RBPMS: variants seen among roughly 807,000 people sequenced by gnomAD.
RBPMS encodes the protein RNA-binding protein with multiple splicing.
Under a neutral mutation model 26.8 loss-of-function variants are expected in RBPMS, and 7 were observed. The observed-to-expected ratio is 0.26, with a 90% CI of 0.15 to 0.49. RBPMS has a LOEUF of 0.49. RBPMS is among the 20% of genes least tolerant of loss of function. The pLI, the probability that RBPMS is intolerant of heterozygous loss-of-function variation, is 0.98. For synonymous variants in RBPMS, 96 were observed against 93.3 expected (o/e 1.03, Z -0.17); for missense variants, 186 against 250.0 (o/e 0.74, Z 1.73).
intron 1 of RBPMS, among the ~76,000 whole-genome samples, chr8:30,465,508 G>C (rs763862004): frequency 6.6e-6 from 1 of 152,134 alleles, no homozygotes; most frequent in Non-Finnish European, 1.5e-5. Flanking sequence ...CCTATCAGGC[G>C]GGGCACAGTG....
At chr8:30,545,153 T>A (rs1222839040) in intron 6 of RBPMS, 6 of 1,306,708 alleles carry the variant, frequency 4.6e-6, no homozygotes, top group Non-Finnish European at 6.0e-6. Flanking sequence ...GTTCCTTCTC[T>A]CCATTTTCAG....
intron 1 of RBPMS, among the ~76,000 whole-genome samples, chr8:30,448,354 T>C (rs1208791135): frequency 6.6e-6 from 1 of 152,218 alleles, no homozygotes; most frequent in Non-Finnish European, 1.5e-5. Flanking sequence ...ACCAAGATGT[T>C]TGCAGGGCAG....
intron 5 of RBPMS, among the ~76,000 whole-genome samples, chr8:30,526,137 G>A (rs541765295): frequency 2.6e-4 from 39 of 152,200 alleles, no homozygotes; most frequent in African/African-American, 8.2e-4. Context: ...CATGATCTGC[G>A]CCCCAACTCC....
chr8:30,476,915 G>A (rs572493099), intron 2 of RBPMS, among the ~76,000 whole-genome samples: 68 of 152,220 alleles, frequency 4.5e-4, no homozygotes, highest in African/African-American at 1.5e-3. Context: ...AACCTGAAGG[G>A]ATTATTTTTG....
chr8:30,412,613 A>G (rs530682250), intron 1 of RBPMS, among the ~76,000 whole-genome samples: 1 of 152,214 alleles, frequency 6.6e-6, no homozygotes, highest in East Asian at 1.9e-4. Flanking sequence ...AAGTTCTTAC[A>G]TTTTCTTTTC....
Position 30,549,795 on chromosome 8 carries a change from T to TCTCTCTCTCTCTCC in RBPMS, c.528+5172_528+5173insTCTCTCTCTCTCCC, listed in dbSNP as rs1298441943. ...TCTTCTCTCTCTCTCTCTCTCTCTC[T>TCTCTCTCTCTCTCC]CCCCTCTCTCCTCTCTCTCTCTCTC... On this transcript the variant is annotated intron_variant, in intron 6 of 8. Coordinates refer to ENST00000397323, the MANE Select transcript of RBPMS (RefSeq NM_001008710.3). Among the ~76,000 whole-genome samples, 16 of 100,740 alleles carry TCTCTCTCTCTCTCC rather than the reference T, an allele frequency of 1.6e-4. No homozygotes were observed. In the East Asian group the frequency reaches 1.8e-3, roughly 12 times the overall value. 66.1% of individuals were successfully genotyped at this position (100,740 alleles called of 152,430 possible).
At position 30,504,818 on chromosome 8, in the gene RBPMS, G is replaced by A. The variant is rs570953171; in HGVS notation, c.397+382G>A. Among the ~76,000 whole-genome samples the A allele has an allele frequency of 3.3e-5, 5 of 152,214 alleles. No individual in the cohort carries two copies. The East Asian group carries it at 9.6e-4, about 29-fold the overall frequency. On this transcript the variant is annotated intron_variant, in intron 5 of 8. Coordinates refer to ENST00000397323, the MANE Select transcript of RBPMS (RefSeq NM_001008710.3). ...TCCATTTGTTGAAGGACATCAGCTC[G>A]GTGGCTTTGGAAAAATAGGATATTA...
At chr8:30,511,504 T>A (rs1309717098) in intron 5 of RBPMS, among the ~76,000 whole-genome samples, 254 of 4,270 alleles carry the variant, frequency 0.059, 12 homozygotes, top group South Asian at 0.23. Flanking sequence ...TATATATATA[T>A]ATATATATAT....
intron 4 of RBPMS, among the ~76,000 whole-genome samples, chr8:30,483,908 TGGCA>T (rs1334452811): frequency 2.8e-4 from 43 of 152,214 alleles, no homozygotes; most frequent in African/African-American, 9.2e-4. Flanking sequence ...ATCCACGCTG[TGGCA>T]TTTACCAGAA....
chr8:30,491,193 A>G (rs1819351096), intron 4 of RBPMS, among the ~76,000 whole-genome samples: 1 of 152,252 alleles, frequency 6.6e-6, no homozygotes, highest in Non-Finnish European at 1.5e-5. Context: ...ATGTATTGGT[A>G]TAAATGGCTC....
chr8:30,455,725 T>C (rs1483131262), intron 1 of RBPMS, among the ~76,000 whole-genome samples: 1 of 151,916 alleles, frequency 6.6e-6, no homozygotes, highest in African/African-American at 2.4e-5. Context: ...CCAACTCTAC[T>C]AAAAATACAA....
intron 1 of RBPMS, among the ~76,000 whole-genome samples, chr8:30,439,635 T>C (rs1812849265): frequency 6.6e-6 from 1 of 152,072 alleles, no homozygotes; most frequent in Non-Finnish European, 1.5e-5. Context: ...ATTGCCCGTT[T>C]TTTGACTTTT....
At chr8:30,413,445 A>G (rs987353383) in intron 1 of RBPMS, among the ~76,000 whole-genome samples, 3 of 152,098 alleles carry the variant, frequency 2.0e-5, no homozygotes, top group Non-Finnish European at 2.9e-5. Flanking sequence ...CCTTGAGGTC[A>G]AGTAAAATAA....
chr8:30,393,219 GAT>G (rs1000496099), intron 1 of RBPMS, among the ~76,000 whole-genome samples: 12 of 152,052 alleles, frequency 7.9e-5, no homozygotes, highest in African/African-American at 2.6e-4. Context: ...AGAAAAATCT[GAT>G]ATATGGTCTT....
At chr8:30,474,974 T>G (rs1448435284) in intron 2 of RBPMS, 118 bp downstream of exon 2, 3 of 691,010 alleles carry the variant, frequency 4.3e-6, no homozygotes, top group Non-Finnish European at 7.6e-6. Context: ...TTTAAAAGGT[T>G]AATGAGTAAA....
chr8:30,481,465 T>C (rs539529056), intron 4 of RBPMS, among the ~76,000 whole-genome samples: 26 of 152,326 alleles, frequency 1.7e-4, no homozygotes, highest in Middle Eastern at 3.4e-3. Context: ...TGTTTGCCCC[T>C]GTGCCAGCTG....
At chr8:30,547,233 T>C in intron 6 of RBPMS, 1 of 1,123,202 alleles carries the variant, frequency 8.9e-7, no homozygotes, top group Non-Finnish European at 1.3e-6. Flanking sequence ...TTAAATAATT[T>C]TGTTTTTCTT....
rs1413174287 is a variant in RBPMS at position 30,504,388 on chromosome 8, A to G, written c.349A>G (p.Ser117Gly). ...CAAACTCGTAGGGACTCCAAACCCC[A>G]GTACTCCTCTGCCCAACACTGTACC... The part of the protein sequence containing the change: ...KNKLVGTPNP[S>G]TPLPNTVPQF... The change falls in exon 5 of 9, where the codon AGT becomes GGT. Residue 117 changes from serine to glycine, a missense_variant. Physicochemically the swap from Ser to Gly is moderately conservative, Grantham distance 56. Coordinates refer to ENST00000397323, the MANE Select transcript of RBPMS (RefSeq NM_001008710.3). The G allele has an allele frequency of 6.2e-7, 1 of 1,614,098 alleles. No homozygotes were observed. Among genetic ancestry groups the G allele is most frequent in the Non-Finnish European group, 8.5e-7 (1 of 1,180,002 alleles).
intron 1 of RBPMS, among the ~76,000 whole-genome samples, chr8:30,417,641 C>T (rs1457272251): frequency 6.6e-6 from 1 of 152,160 alleles, no homozygotes; most frequent in Non-Finnish European, 1.5e-5. Flanking sequence ...CCACAGTTAA[C>T]GGTTTAATGT....
Sources: allele counts gnomAD v4.1 joint callset (sites outside exome capture counted in the v4.1 genomes callset), GRCh38; gene constraint gnomAD v4.1.1; transcripts MANE v1.5; gene names NCBI Gene and HGNC (gene_info 2026-07-23, HGNC 2026-07-21).